The following CLVS1 variants were observed in gnomAD, a reference collection of about 807,000 sequenced individuals.
CLVS1 encodes the protein clavesin 1, also known as clavesin-1.
A neutral mutation model predicts 33.1 loss-of-function variants in CLVS1; 10 were observed. That is an observed-to-expected ratio of 0.30 (90% confidence interval 0.19 to 0.51). The LOEUF is 0.51. CLVS1 is among the 20% of genes least tolerant of loss of function. CLVS1 has a pLI of 0.97. For synonymous variants in CLVS1, 163 were observed against 166.1 expected (o/e 0.98, Z 0.14); for missense variants, 343 against 433.4 (o/e 0.79, Z 1.85).
At chr8:61,350,882 G>A (rs1255720975) in intron 2 of CLVS1, among the ~76,000 whole-genome samples, 3 of 152,146 alleles carry the variant, frequency 2.0e-5, no homozygotes, top group East Asian at 1.9e-4. Flanking sequence ...ATTATATACC[G>A]CCACTCTGGT....
intron 2 of CLVS1, among the ~76,000 whole-genome samples, chr8:61,189,797 G>A (rs183334185): frequency 3.9e-5 from 6 of 152,288 alleles, no homozygotes; most frequent in Admixed American, 1.3e-4. Context: ...TAATGGTAAA[G>A]GGATCAATTC....
intron 2 of CLVS1, among the ~76,000 whole-genome samples, chr8:61,132,311 C>A (rs546055063): frequency 6.6e-6 from 1 of 152,184 alleles, no homozygotes; most frequent in Non-Finnish European, 1.5e-5. Flanking sequence ...GCTGGGGTTG[C>A]GGCAGGGGAA....
chr8:61,364,417 C>G (rs533559339), intron 2 of CLVS1, among the ~76,000 whole-genome samples: 2 of 152,188 alleles, frequency 1.3e-5, no homozygotes, highest in South Asian at 2.1e-4. Context: ...AGAATACCAG[C>G]CTGCAAAACA....
At chr8:61,386,758 A>G (rs1370032242) in intron 3 of CLVS1, among the ~76,000 whole-genome samples, 1 of 152,206 alleles carries the variant, frequency 6.6e-6, no homozygotes, top group African/African-American at 2.4e-5. Context: ...GCTGCTGATG[A>G]TGGTAATGAT....
At chr8:61,154,302 T>G (rs1585648340) in intron 2 of CLVS1, among the ~76,000 whole-genome samples, 1 of 152,152 alleles carries the variant, frequency 6.6e-6, no homozygotes, top group Non-Finnish European at 1.5e-5. Flanking sequence ...CTGCTCTGAA[T>G]GAAGCTCTGA....
At chr8:61,104,132 G>A (rs963663093) in intron 1 of CLVS1, among the ~76,000 whole-genome samples, 1 of 152,140 alleles carries the variant, frequency 6.6e-6, no homozygotes, top group Non-Finnish European at 1.5e-5. Context: ...TTAGCTCATT[G>A]TTCTTCTTTG....
intron 1 of CLVS1, among the ~76,000 whole-genome samples, chr8:61,288,529 C>A (rs992600644): frequency 5.3e-5 from 8 of 152,144 alleles, no homozygotes; most frequent in Non-Finnish European, 8.8e-5. Context: ...GAACAAACCC[C>A]TGAAAACAAA....
intron 3 of CLVS1, among the ~76,000 whole-genome samples, chr8:61,387,858 T>G (rs1456882570): frequency 6.6e-6 from 1 of 152,220 alleles, no homozygotes; most frequent in African/African-American, 2.4e-5. Flanking sequence ...TATCACATTT[T>G]CTTTATCCAC....
intron 3 of CLVS1, among the ~76,000 whole-genome samples, chr8:61,431,818 A>T (rs1816125989): frequency 6.6e-6 from 1 of 152,184 alleles, no homozygotes; most frequent in Non-Finnish European, 1.5e-5. Flanking sequence ...GTAAATTCAA[A>T]CTATCCGTGC....
intron 2 of CLVS1, chr8:61,203,024 T>G: frequency 7.5e-7 from 1 of 1,336,194 alleles, no homozygotes; most frequent in Non-Finnish European, 1.1e-6. Flanking sequence ...CAAGAATCTT[T>G]CAAAAAACAG....
intron 2 of CLVS1, among the ~76,000 whole-genome samples, chr8:61,216,936 C>T (rs943249844): frequency 7.2e-5 from 11 of 152,128 alleles, no homozygotes; most frequent in African/African-American, 2.7e-4. Context: ...AAGGGTGAAA[C>T]AAATGCACAG....
Position 61,413,322 on chromosome 8 carries a change from C to A in CLVS1, c.630+36543C>A, listed in dbSNP as rs1214502646. Among the ~76,000 whole-genome samples, 3 of 152,098 alleles carry A rather than the reference C, an allele frequency of 2.0e-5. No individual in the cohort carries two copies. The East Asian group carries it at 5.8e-4, about 30-fold the overall frequency. ...TGCAATACAGTTGTTTTTGGTTATT[C>A]ATGGCTGTTGTCCTGAACCCCTATT... is the stretch of plus-strand genomic sequence containing the variant. On this transcript the variant is annotated intron_variant, in intron 3 of 5. Coordinates refer to ENST00000325897, the MANE Select transcript of CLVS1 (RefSeq NM_173519.3).
chr8:61,085,676 A>T (rs1282097410), intron 1 of CLVS1, among the ~76,000 whole-genome samples: 1 of 149,654 alleles, frequency 6.7e-6, no homozygotes, highest in African/African-American at 2.5e-5. Context: ...GGGTCACTTG[A>T]GGTCAGGAAT....
intron 2 of CLVS1, among the ~76,000 whole-genome samples, chr8:61,318,768 T>G (rs959156166): frequency 9.9e-5 from 15 of 151,952 alleles, no homozygotes; most frequent in Non-Finnish European, 1.5e-5. Context: ...ATCTGGTCCT[T>G]TTTGTTTGTT....
chr8:61,151,239 C>G (rs1304691689), intron 2 of CLVS1, among the ~76,000 whole-genome samples: 1 of 152,142 alleles, frequency 6.6e-6, no homozygotes, highest in Non-Finnish European at 1.5e-5. Context: ...GTCAAGGGGG[C>G]TCTTCAGAAG....
At chr8:61,361,729 G>A (rs984473861) in intron 2 of CLVS1, among the ~76,000 whole-genome samples, 1 of 151,986 alleles carries the variant, frequency 6.6e-6, no homozygotes, top group Non-Finnish European at 1.5e-5. Context: ...TATCCCATGT[G>A]GAAACAGCTA....
the CLVS1 span, among the ~76,000 whole-genome samples, chr8:61,030,619 A>AGCAAT: frequency 6.6e-6 from 1 of 152,194 alleles, no homozygotes; most frequent in African/African-American, 2.4e-5. Flanking sequence ...GAATCTGCCC[A>AGCAAT]GCAATGCAGT....
chr8:61,420,477 C>T (rs935973629), intron 3 of CLVS1, among the ~76,000 whole-genome samples: 2 of 152,106 alleles, frequency 1.3e-5, no homozygotes, highest in East Asian at 1.9e-4. Context: ...TGTCTCCTGC[C>T]TGTAGTCCGA....
At chr8:61,306,354 C>T (rs1810626612) in intron 2 of CLVS1, among the ~76,000 whole-genome samples, 2 of 152,128 alleles carry the variant, frequency 1.3e-5, no homozygotes, top group South Asian at 4.1e-4. Context: ...GGTGTCTGTT[C>T]ATGTTCTTGC....
Sources: gnomAD v4.1 joint callset for allele counts (sites outside exome capture counted in the v4.1 genomes callset) on GRCh38, gnomAD v4.1.1 for gene constraint, MANE v1.5 for transcripts, NCBI Gene and HGNC (gene_info 2026-07-23, HGNC 2026-07-21) for gene names.